The following PCDHGA6 variants were observed in gnomAD, a reference collection of about 807,000 sequenced individuals.
The protein encoded by PCDHGA6 is protocadherin gamma subfamily A, 6, also known as protocadherin gamma-A6.
In PCDHGA6, 41 loss-of-function variants were observed where a neutral mutation model predicts 60.6. The observed-to-expected ratio is 0.68, with a 90% CI of 0.53 to 0.88. The LOEUF (loss-of-function observed/expected upper bound fraction) is 0.88, where lower values mean the gene tolerates loss of function less well. Ranked by LOEUF, PCDHGA6 falls within the 40% of genes least tolerant of loss-of-function variation. PCDHGA6 has a pLI of 0.00. For synonymous variants in PCDHGA6, 594 were observed against 524.4 expected (o/e 1.13, Z -1.81); for missense variants, 1,312 against 1,203.0 (o/e 1.09, Z -1.34).
chr5:141,379,766 C>G (rs1325223169), intron 1 of PCDHGA6: 1 of 151,638 alleles, frequency 6.6e-6, no homozygotes, highest in Admixed American at 6.6e-5. Context: ...ACCTGCAATA[C>G]AGATCATTAA....
intron 1 of PCDHGA6, chr5:141,384,509 G>T: frequency 6.2e-7 from 1 of 1,614,176 alleles, no homozygotes; most frequent in Non-Finnish European, 8.5e-7. Flanking sequence ...GCACATGACA[G>T]CGGGGACCCG....
intron 1 of PCDHGA6, chr5:141,422,116 T>G (rs753281558): frequency 1.2e-6 from 2 of 1,604,612 alleles, no homozygotes; most frequent in African/African-American, 1.3e-5. Flanking sequence ...CCAATTGGAT[T>G]CACAAACTGG....
At chr5:141,420,237 C>A in intron 1 of PCDHGA6, 1 of 1,595,672 alleles carries the variant, frequency 6.3e-7, no homozygotes, top group Non-Finnish European at 8.6e-7. Context: ...AGCATTTTAA[C>A]TCCCAGCGTT....
At chr5:141,384,882 C>A in intron 1 of PCDHGA6, 1 of 1,613,872 alleles carries the variant, frequency 6.2e-7, no homozygotes, top group South Asian at 1.1e-5. Context: ...TCACACTCAC[C>A]GTGGCTGTGG....
In PCDHGA6 at chr5:141,511,345, TCC is replaced by T; in HGVS notation, c.*178_*179del. 1 of 1,410,484 alleles carries T rather than the reference TCC, an allele frequency of 7.1e-7. No homozygotes were observed. The highest frequency in any genetic ancestry group is 9.4e-7 in the Non-Finnish European group (1 of 1,060,658). The allele number at this position is 1,410,484 out of a possible 1,614,324, so 87.4% of individuals were successfully genotyped here. On this transcript the variant is annotated 3_prime_UTR_variant, in exon 4 of 4. Coordinates refer to ENST00000517434, the MANE Select transcript of PCDHGA6 (RefSeq NM_018919.3). ...AAGTGCCCAGTCAGCACCTACCCCT[TCC>T]CCCCCAGGGGGTTGAATATGCAAAA... is the stretch of plus-strand genomic sequence containing the variant.
Position 141,477,609 on chromosome 5 carries a change from A to T in PCDHGA6, c.2425-17198A>T, listed in dbSNP as rs775454070. The T allele has an allele frequency of 6.2e-7, 1 of 1,614,192 alleles. No homozygotes were observed. The highest frequency in any genetic ancestry group is 1.1e-5 in the South Asian group (1 of 91,082). ...GCTCGGCTTTCTTTCTTTCTCTTGG[A>T]GCAAGGAGCTGAAACCGGGCTAGTG... On this transcript the variant is annotated intron_variant, in intron 1 of 3. Transcript: ENST00000517434. The surrounding 1 kb of genome is among the most constrained non-coding windows in gnomAD (Gnocchi z 4.9).
At chr5:141,395,070 T>C (rs1222192652) in intron 1 of PCDHGA6, 1 of 1,614,158 alleles carries the variant, frequency 6.2e-7, no homozygotes, top group Non-Finnish European at 8.5e-7. Context: ...CCTGCAGACC[T>C]ATTCCCAGGA....
intron 1 of PCDHGA6, chr5:141,393,958 T>C: frequency 6.2e-7 from 1 of 1,613,966 alleles, no homozygotes; most frequent in East Asian, 2.2e-5. Flanking sequence ...AATGGTCAAG[T>C]TGTCTGTTAC....
intron 1 of PCDHGA6, chr5:141,405,281 G>A (rs1001215863): frequency 1.2e-6 from 2 of 1,614,158 alleles, no homozygotes; most frequent in Non-Finnish European, 1.7e-6. Flanking sequence ...CAACTATGCA[G>A]ACACACTCAT....
chr5:141,437,512 G>A (rs1201910374), intron 1 of PCDHGA6, among the ~76,000 whole-genome samples: 2 of 152,144 alleles, frequency 1.3e-5, no homozygotes, highest in African/African-American at 2.4e-5. Flanking sequence ...TGAATTATAA[G>A]GCTGATGACA....
intron 1 of PCDHGA6, among the ~76,000 whole-genome samples, chr5:141,444,400 A>G (rs1400847351): frequency 1.3e-5 from 2 of 151,536 alleles, no homozygotes; most frequent in Admixed American, 6.6e-5. Flanking sequence ...TGAACTCCCA[A>G]CCTCAGGTGA....
Position 141,486,690 on chromosome 5 carries a change from C to G in PCDHGA6, c.2425-8117C>G. ...AGGAATCGAGATGTATCAGCTTCCTCTTTCATCTCTCTGAACCCCCAGACA... is the reference window on the plus strand; with the variant it reads ...AGGAATCGAGATGTATCAGCTTCCTGTTTCATCTCTCTGAACCCCCAGACA... On this transcript the variant is annotated intron_variant, in intron 1 of 3. Coordinates refer to ENST00000517434, the MANE Select transcript of PCDHGA6 (RefSeq NM_018919.3). The surrounding 1 kb of genome is among the most constrained non-coding windows in gnomAD (Gnocchi z 5.0). 3 of 1,614,144 alleles carry G rather than the reference C, an allele frequency of 1.9e-6. No individual in the cohort carries two copies. The highest frequency in any genetic ancestry group is 2.5e-6 in the Non-Finnish European group (3 of 1,180,036).
rs972633773 is a variant in PCDHGA6, at chr5:141,489,751, A to T, written c.2425-5056A>T. ...GGGCACCAATACTGTGAGCTTTTAC[A>T]CTCTAAGCCCCAACAGCCACTTCTC... On this transcript the variant is annotated intron_variant, in intron 1 of 3. Coordinates refer to ENST00000517434, the MANE Select transcript of PCDHGA6 (RefSeq NM_018919.3). The surrounding 1 kb of genome is among the most constrained non-coding windows in gnomAD (Gnocchi z 4.5). The T allele has an allele frequency of 1.9e-6, 3 of 1,613,740 alleles. No individual in the cohort carries two copies. Among genetic ancestry groups the T allele is most frequent in the African/African-American group, 2.7e-5 (2 of 74,840 alleles).
intron 1 of PCDHGA6, among the ~76,000 whole-genome samples, chr5:141,438,149 A>G (rs1441404688): frequency 6.6e-6 from 1 of 152,220 alleles, no homozygotes; most frequent in African/African-American, 2.4e-5. Context: ...TAGCCAGCCT[A>G]TGGCAAAGCT....
chr5:141,450,568 C>A (rs2098685790), intron 1 of PCDHGA6, among the ~76,000 whole-genome samples: 1 of 152,002 alleles, frequency 6.6e-6, no homozygotes. Flanking sequence ...CTCACTGCAA[C>A]TTCTGCCTCC....
At chr5:141,428,307 C>T (rs759382004) in intron 1 of PCDHGA6, 5 of 688,034 alleles carry the variant, frequency 7.3e-6, no homozygotes, top group Non-Finnish European at 5.1e-6. Flanking sequence ...TTTACCTGGT[C>T]GTGGCCTTGG....
At chr5:141,472,453 T>C (rs2099281194) in intron 1 of PCDHGA6, among the ~76,000 whole-genome samples, 1 of 151,726 alleles carries the variant, frequency 6.6e-6, no homozygotes, top group African/African-American at 2.4e-5. Flanking sequence ...GGCAGGAGAA[T>C]CGCTTGAACC....
chr5:141,387,559 A>G, intron 1 of PCDHGA6: 1 of 421,914 alleles, frequency 2.4e-6, no homozygotes, highest in South Asian at 5.1e-5. Flanking sequence ...TCAGTTAGGC[A>G]CACAATTATA....
rs1001912556 is a variant in PCDHGA6, at chr5:141,493,404, CTCTGCTGGGATTTTGCT to C, written c.2425-1391_2425-1375del. Among the ~76,000 whole-genome samples, 10 of 152,266 alleles carry C rather than the reference CTCTGCTGGGATTTTGCT, an allele frequency of 6.6e-5. No individual in the cohort carries two copies. Among genetic ancestry groups the C allele is most frequent in the Admixed American group, 6.5e-4 (10 of 15,298 alleles). On this transcript the variant is annotated intron_variant, in intron 1 of 3. Coordinates refer to ENST00000517434, the MANE Select transcript of PCDHGA6 (RefSeq NM_018919.3). The surrounding 1 kb of genome is among the most constrained non-coding windows in gnomAD (Gnocchi z 4.3). ...CTTGAGGACAGGAGAGGGGAGTTGCCTCTGCTGGGATTTTGCTTCTGCTGGGATGGGGCAAGGGTGGG... is the reference window on the plus strand; with the variant it reads ...CTTGAGGACAGGAGAGGGGAGTTGCCTCTGCTGGGATGGGGCAAGGGTGGG...
Sources: allele counts gnomAD v4.1 joint callset (sites outside exome capture counted in the v4.1 genomes callset), GRCh38; gene constraint gnomAD v4.1.1; non-coding constraint Gnocchi (gnomAD v3.1); transcripts MANE v1.5; gene names NCBI Gene and HGNC (gene_info 2026-07-23, HGNC 2026-07-21).